The following TSPAN11 variants were observed in gnomAD, a reference collection of about 807,000 sequenced individuals.
The protein encoded by TSPAN11 is tetraspanin 11.
In TSPAN11, 29 loss-of-function variants were observed where a neutral mutation model predicts 32.9. The ratio of observed to expected loss-of-function variants is 0.88; its 90% confidence interval spans 0.66 to 1.20. The LOEUF (loss-of-function observed/expected upper bound fraction) is 1.20, where lower values mean the gene tolerates loss of function less well. Ranked by LOEUF, TSPAN11 falls within the 50% of genes most tolerant of loss-of-function variation. The pLI is 0.00. For missense variants in TSPAN11, 283 were observed against 329.1 expected, an observed-to-expected ratio of 0.86 and a Z score of 1.08; for synonymous variants, 140 against 141.3, an observed-to-expected ratio of 0.99 and a Z score of 0.07.
At position 30,978,646 on chromosome 12, in the gene TSPAN11, T is replaced by G. The variant is rs1565801859; in HGVS notation, c.351+11T>G. On this transcript the variant is annotated intron_variant, in intron 4 of 7. Transcript: ENST00000546076. ...GTGTATTACCAGAGGGTAAGTGACG[T>G]TTCCTCCTCCTGCATCCTCTGTCAG... 2 of 1,613,834 alleles carry G rather than the reference T, an allele frequency of 1.2e-6. No homozygotes were observed. Among genetic ancestry groups the G allele is most frequent in the Non-Finnish European group, 1.7e-6 (2 of 1,179,718 alleles).
At chr12:31,004,472 A>G in the TSPAN11 span, among the ~76,000 whole-genome samples, 1 of 152,178 alleles carries the variant, frequency 6.6e-6, no homozygotes, top group Non-Finnish European at 1.5e-5. Flanking sequence ...CAAACTGGAC[A>G]TCTTTCCCTC....
chr12:30,979,656 C>T lies in TSPAN11; in HGVS notation c.442C>T (p.Arg148Ter), dbSNP rs201294575. Residue 148 changes from arginine to a stop codon, truncating the protein, a stop_gained, in exon 5 of 8, where the codon CGA (arginine) becomes TGA (stop). Transcript: ENST00000546076. LOFTEE classifies it high-confidence loss of function. ...GATQITASVD[R>*]LQQDFKCCGS... ...CACGCAGATCACCGCCTCAGTGGAC[C>T]GACTCCAGCAGGATGTAAGCCATGC... The T allele has an allele frequency of 1.1e-5, 17 of 1,614,128 alleles. No individual in the cohort carries two copies. The highest frequency in any genetic ancestry group is 2.7e-5 in the African/African-American group (2 of 75,054).
chr12:30,986,991 G>A (rs1939212575), intron 7 of TSPAN11, among the ~76,000 whole-genome samples: 1 of 152,232 alleles, frequency 6.6e-6, no homozygotes, highest in South Asian at 2.1e-4. Context: ...AGCATTTCTG[G>A]TCTGTTGTAT....
chr12:30,933,296 A>T (rs1565786835), intron 1 of TSPAN11, among the ~76,000 whole-genome samples: 1 of 97,846 alleles, frequency 1.0e-5, no homozygotes, highest in Non-Finnish European at 2.9e-5. Context: ...CCAGCCAGTA[A>T]GAGTGACATT....
chr12:30,961,517 G>C (rs1295254192), intron 2 of TSPAN11, among the ~76,000 whole-genome samples: 1 of 151,986 alleles, frequency 6.6e-6, no homozygotes, highest in Non-Finnish European at 1.5e-5. Flanking sequence ...ACAGTGAGCA[G>C]TGTTAATTTT....
chr12:30,983,958 G>A (rs544866467), intron 7 of TSPAN11, among the ~76,000 whole-genome samples: 2 of 152,294 alleles, frequency 1.3e-5, no homozygotes, highest in East Asian at 1.9e-4. Context: ...CCCTGAGGAT[G>A]AGCAATGCCT....
chr12:30,926,832 C>A, intron 1 of TSPAN11, 36 bp downstream of exon 1: 1 of 830,652 alleles, frequency 1.2e-6, no homozygotes, highest in Non-Finnish European at 1.6e-6. Flanking sequence ...GTGGGGGCGC[C>A]GCGGGAGGGG....
In TSPAN11 at chr12:30,928,411, T is replaced by C. The variant is rs866579267; in HGVS notation, c.-12+1615T>C. On this transcript the variant is annotated intron_variant, in intron 1 of 7. Coordinates refer to ENST00000546076, the MANE Select transcript of TSPAN11 (RefSeq NM_001370302.1). The stretch of plus-strand genomic sequence containing the variant: ...GCCTGGGGTGTCCACCACCAAGTTC[T>C]ATCTCTTGGGTTACAGTGCCTTCAG... Among the ~76,000 whole-genome samples the C allele has an allele frequency of 3.9e-5, 6 of 152,196 alleles. No individual in the cohort carries two copies. The South Asian group carries it at 1.2e-3, about 31-fold the overall frequency.
chr12:30,980,600 G>A (rs1469930372), intron 5 of TSPAN11, among the ~76,000 whole-genome samples: 1 of 151,870 alleles, frequency 6.6e-6, no homozygotes, highest in East Asian at 1.9e-4. Context: ...GGAACGTCAG[G>A]CAAGTAGAGG....
At chr12:31,009,805 C>T in the TSPAN11 span, among the ~76,000 whole-genome samples, 48 of 152,148 alleles carry the variant, frequency 3.2e-4, no homozygotes, top group Non-Finnish European at 1.0e-4. Context: ...GCTAACGGGC[C>T]GCGTCATCCT....
At position 30,982,652 on chromosome 12, in the gene TSPAN11, G is replaced by C; in HGVS notation, c.577G>C (p.Gly193Arg). 1 of 1,603,504 alleles carries C rather than the reference G, an allele frequency of 6.2e-7. No homozygotes were observed. Among genetic ancestry groups the C allele is most frequent in the Non-Finnish European group, 8.5e-7 (1 of 1,175,128 alleles). ...CTGCAAGACAGTGGTGGTGCGCTGC[G>C]GCCAGCGGGCCCACCCCTCCAACAT... ...SCCKTVVVRCGQRAHPSNIYK... is the reference protein window; with the variant it reads ...SCCKTVVVRCRQRAHPSNIYK... Residue 193 changes from glycine to arginine, a missense_variant, in exon 6 of 8, where the codon GGC becomes CGC. Gly to Arg is a moderately radical substitution (Grantham distance 125). Coordinates refer to ENST00000546076, the MANE Select transcript of TSPAN11 (RefSeq NM_001370302.1).
chr12:30,929,107 C>T (rs771133608), intron 1 of TSPAN11, among the ~76,000 whole-genome samples: 10 of 152,198 alleles, frequency 6.6e-5, no homozygotes, highest in South Asian at 6.2e-4. Context: ...ACCAGCAGCT[C>T]GGGGTCAATC....
intron 3 of TSPAN11, among the ~76,000 whole-genome samples, chr12:30,969,776 A>G (rs1938811654): frequency 6.6e-6 from 1 of 152,100 alleles, no homozygotes; most frequent in Non-Finnish European, 1.5e-5. Context: ...CATTCCTGGC[A>G]TGTCCTGCTC....
the TSPAN11 span, among the ~76,000 whole-genome samples, chr12:31,006,286 C>T: frequency 6.6e-6 from 1 of 152,218 alleles, no homozygotes; most frequent in Admixed American, 6.5e-5. Flanking sequence ...AACCAGAAGT[C>T]GCCAACCACC....
intron 7 of TSPAN11, 56 bp downstream of exon 7, chr12:30,983,206 T>C (rs1186164295): frequency 2.0e-6 from 3 of 1,523,992 alleles, no homozygotes; most frequent in African/African-American, 2.7e-5. Context: ...CCCTCTCCCA[T>C]TGACACAGGT....
At chr12:30,955,295 T>C (rs1938457091) in intron 2 of TSPAN11, 1 of 152,194 alleles carries the variant, frequency 6.6e-6, no homozygotes, top group South Asian at 2.1e-4. Flanking sequence ...AATAGTGAAG[T>C]TGTGATGATG....
chr12:30,939,500 T>C (rs2140273839), intron 1 of TSPAN11, among the ~76,000 whole-genome samples: 1 of 152,326 alleles, frequency 6.6e-6, no homozygotes, highest in African/African-American at 2.4e-5. Flanking sequence ...ATCTGGCATT[T>C]GTTTATGTAA....
At chr12:30,960,132 G>T in intron 2 of TSPAN11, among the ~76,000 whole-genome samples, 1 of 137,214 alleles carries the variant, frequency 7.3e-6, no homozygotes, top group Non-Finnish European at 1.6e-5. Flanking sequence ...GTGGGTGGGT[G>T]GGTGGGTGGG....
chr12:30,957,716 C>T (rs1388628584), intron 2 of TSPAN11, among the ~76,000 whole-genome samples: 5,513 of 82,874 alleles, frequency 0.067, 1,227 homozygotes, highest in East Asian at 0.1. Context: ...TCCTTCCTTC[C>T]TTCCTTCCTT....
Sources: gnomAD v4.1 joint callset for allele counts (sites outside exome capture counted in the v4.1 genomes callset) on GRCh38, gnomAD v4.1.1 for gene constraint, MANE v1.5 for transcripts, NCBI Gene and HGNC (gene_info 2026-07-23, HGNC 2026-07-21) for gene names.